Variants in EYS observed in about 807,000 individuals in gnomAD.
EYS encodes protein eyes shut homolog.
A neutral mutation model predicts 282.1 loss-of-function variants in EYS; 250 were observed. The observed-to-expected ratio is 0.89, with a 90% CI of 0.80 to 0.98. The LOEUF is 0.98. EYS is among the 50% of genes least tolerant of loss of function. EYS has a pLI of 0.00. For missense variants in EYS, 4,016 were observed against 3,709.0 expected (o/e 1.08, Z -2.15); for synonymous variants, 1,355 against 1,282.9 (o/e 1.06, Z -1.20).
intron 12 of EYS, among the ~76,000 whole-genome samples, chr6:65,084,093 C>T (rs975497516): frequency 3.3e-5 from 5 of 152,022 alleles, no homozygotes; most frequent in African/African-American, 9.6e-5. Context: ...TGAACCCAAA[C>T]GACGTTCAAA....
intron 1 of EYS, among the ~76,000 whole-genome samples, chr6:65,671,450 T>C (rs1422549841): frequency 2.0e-5 from 3 of 152,052 alleles, no homozygotes; most frequent in Non-Finnish European, 4.4e-5. Context: ...ATAATAAACT[T>C]TGAACAAAAA....
At chr6:64,518,464 T>A (rs776859655) in intron 26 of EYS, among the ~76,000 whole-genome samples, 4 of 151,846 alleles carry the variant, frequency 2.6e-5, no homozygotes, top group Non-Finnish European at 5.9e-5. Context: ...ATGGTATGTA[T>A]ATGTACTGCT....
chr6:65,513,676 C>A (rs945810494), intron 2 of EYS, among the ~76,000 whole-genome samples: 5 of 151,956 alleles, frequency 3.3e-5, no homozygotes, highest in Non-Finnish European at 5.9e-5. Flanking sequence ...ATGAACAGAA[C>A]CAAAGACAAA....
chr6:64,380,708 T>C (rs1554150967), intron 29 of EYS, among the ~76,000 whole-genome samples: 1 of 152,126 alleles, frequency 6.6e-6, no homozygotes, highest in Non-Finnish European at 1.5e-5. Context: ...ATTGTTATAA[T>C]ACAGGCACTT....
At chr6:64,731,180 A>G (rs1056414539) in intron 22 of EYS, among the ~76,000 whole-genome samples, 2 of 152,192 alleles carry the variant, frequency 1.3e-5, no homozygotes, top group African/African-American at 4.8e-5. Flanking sequence ...AAAACCCTAG[A>G]AGAAATCCTA....
At chr6:64,368,656 A>C (rs1772254273) in intron 29 of EYS, among the ~76,000 whole-genome samples, 1 of 151,980 alleles carries the variant, frequency 6.6e-6, no homozygotes, top group Non-Finnish European at 1.5e-5. Flanking sequence ...TTCTCTAATG[A>C]TTAGTGATTT....
intron 30 of EYS, among the ~76,000 whole-genome samples, chr6:64,306,215 C>T (rs894778201): frequency 2.6e-5 from 4 of 152,076 alleles, no homozygotes; most frequent in Non-Finnish European, 4.4e-5. Flanking sequence ...GTCCAAAAAT[C>T]CAGATGGCTA....
intron 8 of EYS, among the ~76,000 whole-genome samples, chr6:65,369,306 A>AATATATATATTATATATATATATTTAT (rs1418178773): frequency 9.4e-4 from 56 of 59,868 alleles, no homozygotes; most frequent in South Asian, 2.7e-3. Context: ...ATTTATGTAT[A>AATATATATATTATATATATATATTTAT]ATATATATAT....
At chr6:65,303,987 C>G (rs1420093739) in intron 11 of EYS, 2 of 857,002 alleles carry the variant, frequency 2.3e-6, no homozygotes, top group Non-Finnish European at 4.1e-6. Context: ...CAGCAGAGCT[C>G]TGAGAGCAGC....
At chr6:64,801,143 T>TA (rs1003912886) in intron 22 of EYS, among the ~76,000 whole-genome samples, 58 of 151,598 alleles carry the variant, frequency 3.8e-4, no homozygotes, top group African/African-American at 6.3e-4. Context: ...TCTGAATGTT[T>TA]AAAAAAAAAT....
chr6:63,850,793 C>T (rs1259822512), intron 36 of EYS, among the ~76,000 whole-genome samples: 1 of 152,192 alleles, frequency 6.6e-6, no homozygotes, highest in Admixed American at 6.5e-5. Context: ...CAGCTATCAT[C>T]ATAATGACAA....
chr6:65,516,716 G>A (rs1050295509), intron 2 of EYS, among the ~76,000 whole-genome samples: 6 of 151,994 alleles, frequency 3.9e-5, no homozygotes, highest in Admixed American at 1.3e-4. Context: ...CATTTTACAT[G>A]AGGATGTACA....
chr6:64,489,225 A>G (rs373786519), intron 26 of EYS, among the ~76,000 whole-genome samples: 7 of 151,004 alleles, frequency 4.6e-5, no homozygotes, highest in African/African-American at 7.2e-5. Flanking sequence ...TTTATAATAT[A>G]TCATTGTACA....
intron 19 of EYS, among the ~76,000 whole-genome samples, chr6:64,879,588 A>AG (rs1051521948): frequency 1.3e-4 from 14 of 109,280 alleles, no homozygotes; most frequent in East Asian, 7.5e-4. Flanking sequence ...TAAGATAGAC[A>AG]GTTTTGGGGA....
intron 7 of EYS, among the ~76,000 whole-genome samples, chr6:65,397,317 C>T (rs1582238221): frequency 6.6e-6 from 1 of 151,810 alleles, no homozygotes; most frequent in Admixed American, 6.6e-5. Context: ...GTACCCATAA[C>T]CCGAATAGTG....
chr6:63,959,063 C>G (rs1415347731), intron 35 of EYS, among the ~76,000 whole-genome samples: 2 of 152,274 alleles, frequency 1.3e-5, no homozygotes, highest in South Asian at 4.1e-4. Context: ...TAGAAACAAT[C>G]ATCATAGTGA....
intron 31 of EYS, among the ~76,000 whole-genome samples, chr6:64,187,185 T>G (rs543118795): frequency 6.6e-6 from 1 of 152,300 alleles, no homozygotes; most frequent in East Asian, 1.9e-4. Context: ...GCATTTGTAC[T>G]TGGTGCTTTT....
At chr6:65,242,859 T>A (rs980234376) in intron 12 of EYS, among the ~76,000 whole-genome samples, 2 of 152,134 alleles carry the variant, frequency 1.3e-5, no homozygotes, top group African/African-American at 4.8e-5. Flanking sequence ...TATTTTTTTT[T>A]AAATGACTAA....
chr6:64,120,789 A>G (rs575362354), intron 31 of EYS, among the ~76,000 whole-genome samples: 17 of 152,280 alleles, frequency 1.1e-4, no homozygotes, highest in African/African-American at 3.6e-4. Flanking sequence ...TTGCTGCATA[A>G]CAAATTACCA....
Sources: gnomAD v4.1 joint callset for allele counts (sites outside exome capture counted in the v4.1 genomes callset) on GRCh38, gnomAD v4.1.1 for gene constraint, MANE v1.5 for transcripts, NCBI Gene and HGNC (gene_info 2026-07-23, HGNC 2026-07-21) for gene names.